Variants in PRAG1 observed in about 807,000 individuals in gnomAD.
The protein encoded by PRAG1 is PEAK1 related, kinase-activating pseudokinase 1.
Under a neutral mutation model 95.6 loss-of-function variants are expected in PRAG1, and 110 were observed. The observed-to-expected ratio is 1.15, with a 90% CI of 0.99 to 1.35. PRAG1 has a LOEUF of 1.35. PRAG1 is among the 40% of genes most tolerant of loss of function. The pLI is 0.00. For missense variants in PRAG1, 2,554 were observed against 1,864.7 expected, an observed-to-expected ratio of 1.37 and a Z score of -6.81; for synonymous variants, 1,052 against 819.4, an observed-to-expected ratio of 1.28 and a Z score of -4.85.
intron 5 of PRAG1, among the ~76,000 whole-genome samples, chr8:8,323,722 C>T (rs1798541943): frequency 6.6e-6 from 1 of 152,144 alleles, no homozygotes; most frequent in Non-Finnish European, 1.5e-5. Context: ...CCTGAGGCTT[C>T]CCCAGCCATG....
In PRAG1 at chr8:8,377,610, T is replaced by C; in HGVS notation, c.799A>G (p.Lys267Glu). 1.2e-6 allele frequency: 2 copies of C among 1,613,192 alleles called. No homozygotes were observed. Among genetic ancestry groups the C allele is most frequent in the African/African-American group, 1.3e-5 (1 of 75,034 alleles). ...LDCCPGSPVA[K>E]AASQTAGSRG... ...GAACCTGCAGTCTGGGAGGCAGCCT[T>C]GGCAACAGGGCTCCCAGGGCAGCAG... The change falls in exon 3 of 6, where the codon AAG becomes GAG. Residue 267 changes from lysine (K) to glutamate (E), a missense_variant. By Grantham distance (56) the Lys-to-Glu change is moderately conservative. Transcript: ENST00000615670.
intron 3 of PRAG1, among the ~76,000 whole-genome samples, chr8:8,373,409 T>A (rs903669205): frequency 6.6e-6 from 1 of 152,238 alleles, no homozygotes; most frequent in African/African-American, 2.4e-5. Context: ...TAAAATAAGA[T>A]GCTCTTGTTT....
intron 4 of PRAG1, among the ~76,000 whole-genome samples, chr8:8,332,355 G>C (rs971970806): frequency 6.6e-6 from 1 of 151,956 alleles, no homozygotes; most frequent in South Asian, 2.1e-4. Context: ...TAGAGACGGG[G>C]TTTCACCATG....
At chr8:8,359,912 C>G (rs896186851) in intron 3 of PRAG1, among the ~76,000 whole-genome samples, 2 of 152,152 alleles carry the variant, frequency 1.3e-5, no homozygotes, top group Non-Finnish European at 2.9e-5. Context: ...AAATTGTATA[C>G]AAGTCGATTG....
chr8:8,360,068 A>G (rs1799798619), intron 3 of PRAG1, among the ~76,000 whole-genome samples: 1 of 152,138 alleles, frequency 6.6e-6, no homozygotes, highest in Admixed American at 6.5e-5. Flanking sequence ...TGAGTCAATC[A>G]AAAAGGTGAT....
chr8:8,331,349 G>A (rs1300902810), intron 4 of PRAG1, among the ~76,000 whole-genome samples: 2 of 152,144 alleles, frequency 1.3e-5, no homozygotes, highest in Non-Finnish European at 2.9e-5. Context: ...ATTTGAGGGT[G>A]AGCAGTGGAG....
intron 3 of PRAG1, among the ~76,000 whole-genome samples, chr8:8,350,679 G>C (rs1799491982): frequency 6.6e-6 from 1 of 152,166 alleles, no homozygotes; most frequent in Admixed American, 6.5e-5. Context: ...TTAAGAGCAT[G>C]AACACTGGTG....
rs560929477 is a variant in PRAG1 at position 8,350,446 on chromosome 8, G to A, written c.2163-10811C>T. 7.2e-5 allele frequency among the ~76,000 whole-genome samples: 11 copies of A among 152,360 alleles called. No homozygotes were observed. In the South Asian group the frequency reaches 1.2e-3, roughly 17 times the overall value. On this transcript the variant is annotated intron_variant, in intron 3 of 5. Coordinates refer to ENST00000615670, the MANE Select transcript of PRAG1 (RefSeq NM_001080826.3). ...AGGAAACTCACATCTGTTCACACAAGAGGAGCAGATGGGAAGAAAAGGAGA... is the reference window on the plus strand; with the variant it reads ...AGGAAACTCACATCTGTTCACACAAAAGGAGCAGATGGGAAGAAAAGGAGA...
chr8:8,365,802 A>ATG (rs1041904922), intron 3 of PRAG1, among the ~76,000 whole-genome samples: 2 of 151,104 alleles, frequency 1.3e-5, no homozygotes, highest in African/African-American at 4.9e-5. Flanking sequence ...ATATATATAT[A>ATG]TATACACACA....
At position 8,319,360 on chromosome 8, in the gene PRAG1, G is replaced by A; in HGVS notation, c.3073-58C>T. ...GGGGCCCATGGTTCCGCCCAGCAAA[G>A]AGTGTGGAAACATTTGAGTATCTAC... is the stretch of plus-strand genomic sequence containing the variant. On this transcript the variant is annotated intron_variant, in intron 5 of 5. Coordinates refer to ENST00000615670, the MANE Select transcript of PRAG1 (RefSeq NM_001080826.3). 4.2e-6 allele frequency: 6 copies of A among 1,414,922 alleles called. No individual in the cohort carries two copies. The South Asian group carries it at 6.0e-5, about 14-fold the overall frequency. 87.6% of individuals were successfully genotyped at this position (1,414,922 alleles called of 1,614,324 possible).
chr8:8,328,040 C>G lies in PRAG1; in HGVS notation c.2742G>C (p.Gly914=). The G allele has an allele frequency of 6.3e-7, 1 of 1,584,334 alleles. No individual in the cohort carries two copies. Among genetic ancestry groups the G allele is most frequent in the Non-Finnish European group, 8.6e-7 (1 of 1,164,712 alleles). ...GCTGGGAGGATGAGGCGGAGGGGGCCCCTTTGCACTGGAGGCCAGGGCTCC... is the reference window on the plus strand; with the variant it reads ...GCTGGGAGGATGAGGCGGAGGGGGCGCCTTTGCACTGGAGGCCAGGGCTCC... The part of the protein sequence containing the change: ...GCGSPGLQCK[G]APSASSSQLS... The change falls in exon 5 of 6, where the codon GGG becomes GGC. Residue 914 remains glycine, a synonymous_variant. Coordinates refer to ENST00000615670, the MANE Select transcript of PRAG1 (RefSeq NM_001080826.3).
chr8:8,339,375 G>A, intron 4 of PRAG1, 103 bp downstream of exon 4: 1 of 1,257,842 alleles, frequency 8.0e-7, no homozygotes, highest in Non-Finnish European at 1.1e-6. Context: ...GCAGGACCAA[G>A]ACAGTAGTCC....
In PRAG1 at chr8:8,386,031, G is replaced by C. The variant is rs528351293; in HGVS notation, c.-88+290C>G. Among the ~76,000 whole-genome samples the C allele has an allele frequency of 1.8e-3, 269 of 152,292 alleles. 3 individuals carry two copies. The highest frequency in any genetic ancestry group is 4.8e-3 in the East Asian group (25 of 5,182). On this transcript the variant is annotated intron_variant, in intron 1 of 5. Coordinates refer to ENST00000615670, the MANE Select transcript of PRAG1 (RefSeq NM_001080826.3). The stretch of plus-strand genomic sequence containing the variant: ...GACCAGAGAAACCATCCTAACAGTC[G>C]GTCCTCCCTCCTGGAACTCGTAGGA...
rs538380081 is a variant in PRAG1 at position 8,377,495 on chromosome 8, G to C, written c.914C>G (p.Pro305Arg). 41 of 1,552,484 alleles carry C rather than the reference G, an allele frequency of 2.6e-5. No homozygotes were observed. In the Admixed American group the frequency reaches 3.2e-4, roughly 12 times the overall value. The change falls in exon 3 of 6, where the codon CCG becomes CGG. Residue 305 changes from proline (P) to arginine (R), a missense_variant. Transcript: ENST00000615670. ...SGPAEQEKRG[P>R]SFPKECCSQG... ...GCTACAGCACTCCTTGGGGAAGCTC[G>C]GGCCCCGCTTCTCCTGCTCTGCGGG... is the stretch of plus-strand genomic sequence containing the variant.
Position 8,318,822 on chromosome 8 carries a change from C to G in PRAG1, c.3553G>C (p.Ala1185Pro). 7.9e-7 allele frequency: 1 copy of G among 1,271,426 alleles called. No individual in the cohort carries two copies. The highest frequency in any genetic ancestry group is 1.0e-6 in the Non-Finnish European group (1 of 1,000,510). The allele number at this position is 1,271,426 out of a possible 1,614,324, so 78.8% of individuals were successfully genotyped here. A position where few individuals can be genotyped will look rare whatever the true frequency, so the allele number is the denominator to read the frequency against. ...AAAAPPCSSA[A>P]PPAGGTLSPA... ...CTGAGAGTGCCACCAGCAGGCGGGG[C>G]GGCAGAGGAGCAGGGAGGCGCGGCG... is the stretch of plus-strand genomic sequence containing the variant. Residue 1185 changes from alanine (A) to proline (P), a missense_variant, in exon 6 of 6, where the codon GCC (alanine) becomes CCC (proline). By Grantham distance (27) the Ala-to-Pro change is conservative (BLOSUM62 -1). Coordinates refer to ENST00000615670, the MANE Select transcript of PRAG1 (RefSeq NM_001080826.3). This position sits in a 1 kb window ranked among gnomAD's most constrained non-coding sequence, Gnocchi z 4.2.
intron 3 of PRAG1, among the ~76,000 whole-genome samples, chr8:8,342,431 C>A (rs566750584): frequency 1.3e-5 from 2 of 152,056 alleles, no homozygotes; most frequent in Admixed American, 6.5e-5. Flanking sequence ...CCCCTGACCT[C>A]GTGATCTGCC....
chr8:8,374,159 G>T (rs1800304008), intron 3 of PRAG1, among the ~76,000 whole-genome samples: 1 of 152,152 alleles, frequency 6.6e-6, no homozygotes, highest in African/African-American at 2.4e-5. Flanking sequence ...CAATAGCAGG[G>T]TGTTATCAAA....
At chr8:8,367,458 C>CAAAAAAAA (rs1158165514) in intron 3 of PRAG1, among the ~76,000 whole-genome samples, 2 of 26,218 alleles carry the variant, frequency 7.6e-5, no homozygotes, top group Admixed American at 6.5e-4. Flanking sequence ...GACTCCATCT[C>CAAAAAAAA]AAAAAAAAAA....
intron 1 of PRAG1, among the ~76,000 whole-genome samples, chr8:8,384,496 G>A (rs570014928): frequency 6.8e-6 from 1 of 146,452 alleles, no homozygotes; most frequent in Admixed American, 7.1e-5. Context: ...GGAAGTCATT[G>A]AATAAGAAAA....
Sources: gnomAD v4.1 joint callset for allele counts (sites outside exome capture counted in the v4.1 genomes callset) on GRCh38, gnomAD v4.1.1 for gene constraint, Gnocchi (gnomAD v3.1) non-coding constraint, MANE v1.5 for transcripts, NCBI Gene and HGNC (gene_info 2026-07-23, HGNC 2026-07-21) for gene names.